Variants in FHIT observed in about 807,000 individuals in gnomAD.
FHIT encodes bis(5'-adenosyl)-triphosphatase.
Under a neutral mutation model 17.9 loss-of-function variants are expected in FHIT, and 19 were observed. The observed-to-expected ratio is 1.06, with a 90% CI of 0.74 to 1.56. FHIT has a LOEUF of 1.56. Ranked by LOEUF, FHIT falls within the 40% of genes most tolerant of loss-of-function variation. The probability of loss-of-function intolerance (pLI) is 0.00; values close to 1 mark genes in which losing one functional copy is unlikely to be tolerated. For missense variants in FHIT, 248 were observed against 189.2 expected (o/e 1.31, Z -1.82); for synonymous variants, 81 against 69.7 (o/e 1.16, Z -0.81).
intron 8 of FHIT, among the ~76,000 whole-genome samples, chr3:59,790,228 C>T (rs901427043): frequency 1.3e-5 from 2 of 152,114 alleles, no homozygotes; most frequent in East Asian, 3.8e-4. Context: ...TGCTTCCATA[C>T]CAAAAAGCAT....
intron 5 of FHIT, among the ~76,000 whole-genome samples, chr3:60,295,005 G>T (rs1419813526): frequency 1.3e-5 from 2 of 152,094 alleles, no homozygotes; most frequent in African/African-American, 2.4e-5. Flanking sequence ...AACGGTTTTT[G>T]TGTGGATCCA....
At chr3:59,901,379 C>T (rs549120685) in intron 8 of FHIT, among the ~76,000 whole-genome samples, 22 of 152,230 alleles carry the variant, frequency 1.4e-4, no homozygotes, top group African/African-American at 4.1e-4. Context: ...GGAGAGGTAT[C>T]ATGAGGATTA....
intron 5 of FHIT, among the ~76,000 whole-genome samples, chr3:60,382,016 G>A (rs1030954291): frequency 2.0e-5 from 3 of 152,176 alleles, no homozygotes; most frequent in South Asian, 2.1e-4. Flanking sequence ...CAAGTGTTCA[G>A]TAGCCACATA....
intron 5 of FHIT, among the ~76,000 whole-genome samples, chr3:60,348,005 C>A (rs981785011): frequency 1.3e-5 from 2 of 152,096 alleles, no homozygotes; most frequent in East Asian, 3.9e-4. Flanking sequence ...TTGATCCACC[C>A]TCCTTAGCCT....
At chr3:60,371,370 T>TAGAAGAAAA (rs1370606499) in intron 5 of FHIT, among the ~76,000 whole-genome samples, 2 of 152,056 alleles carry the variant, frequency 1.3e-5, no homozygotes, top group Admixed American at 1.3e-4. Flanking sequence ...TCTAGCTTTT[T>TAGAAGAAAA]TTTTTAAGAG....
intron 1 of FHIT, among the ~76,000 whole-genome samples, chr3:61,205,180 C>T (rs2039179643): frequency 6.6e-6 from 1 of 152,070 alleles, no homozygotes; most frequent in South Asian, 2.1e-4. Flanking sequence ...CATAGTATTC[C>T]ATGGTGTATA....
At chr3:60,161,151 GTCTC>G (rs1452225541) in intron 5 of FHIT, among the ~76,000 whole-genome samples, 1 of 152,136 alleles carries the variant, frequency 6.6e-6, no homozygotes, top group Non-Finnish European at 1.5e-5. Flanking sequence ...GCTATGTTTG[GTCTC>G]TCTATTTTTA....
At chr3:60,326,626 T>C (rs1569350) in intron 5 of FHIT, among the ~76,000 whole-genome samples, 56,720 of 152,004 alleles carry the variant, frequency 0.37, 12,024 homozygotes, top group South Asian at 0.57. Context: ...TCCTAAACCA[T>C]GTTTGCTTCT....
intron 4 of FHIT, among the ~76,000 whole-genome samples, chr3:60,717,194 G>A (rs1199834296): frequency 4.6e-5 from 7 of 152,090 alleles, no homozygotes; most frequent in Non-Finnish European, 1.0e-4. Context: ...CAAAGTTTGA[G>A]TTAAGCAAGA....
intron 8 of FHIT, among the ~76,000 whole-genome samples, chr3:59,814,241 G>A (rs967505664): frequency 2.0e-5 from 3 of 152,166 alleles, no homozygotes; most frequent in Admixed American, 1.3e-4. Context: ...AAAATGCTCC[G>A]CGTCTGTGGT....
intron 8 of FHIT, among the ~76,000 whole-genome samples, chr3:59,786,340 A>G (rs1048230754): frequency 6.6e-6 from 1 of 152,188 alleles, no homozygotes; most frequent in African/African-American, 2.4e-5. Context: ...CTGGCAAGAC[A>G]TGGGCTTGCT....
chr3:60,777,836 T>C (rs1240012831), intron 4 of FHIT, among the ~76,000 whole-genome samples: 1 of 152,150 alleles, frequency 6.6e-6, no homozygotes, highest in African/African-American at 2.4e-5. Context: ...GCTCCTTAGA[T>C]AGGAATTTGG....
chr3:59,923,200 G>C lies in FHIT; in HGVS notation c.280-786C>G, dbSNP rs976047903. Among the ~76,000 whole-genome samples, 35 of 126,378 alleles carry C rather than the reference G, an allele frequency of 2.8e-4. 1 individual carries two copies. The highest frequency in any genetic ancestry group is 9.3e-5 in the Non-Finnish European group (6 of 64,286). 82.9% of individuals were successfully genotyped at this position (126,378 alleles called of 152,430 possible). On this transcript the variant is annotated intron_variant, in intron 7 of 9. Coordinates refer to ENST00000492590, the MANE Select transcript of FHIT (RefSeq NM_002012.4). ...AGATCGCGCCACTGCACTCCAGCCT[G>C]GGCGACAGAGCGAGACTCCTCAAAA...
chr3:60,723,772 A>G (rs112207039), intron 4 of FHIT, among the ~76,000 whole-genome samples: 1 of 152,232 alleles, frequency 6.6e-6, no homozygotes, highest in African/African-American at 2.4e-5. Flanking sequence ...GATTTACAGA[A>G]CCTTGCAAGT....
intron 5 of FHIT, among the ~76,000 whole-genome samples, chr3:60,222,614 C>T (rs1296014764): frequency 1.3e-5 from 2 of 152,090 alleles, no homozygotes; most frequent in Admixed American, 1.3e-4. Flanking sequence ...CATGATGAAA[C>T]CCCGTCTCTA....
In FHIT at chr3:60,113,724, G is replaced by A. The variant is rs1374841036; in HGVS notation, c.104-99572C>T. ...CAATGATAAATTTTATCATTGGGCC[G>A]GGCGCGGTGGCTCACACCTGTTATC... On this transcript the variant is annotated intron_variant, in intron 5 of 9. Coordinates refer to ENST00000492590, the MANE Select transcript of FHIT (RefSeq NM_002012.4). 8.6e-5 allele frequency among the ~76,000 whole-genome samples: 13 copies of A among 151,366 alleles called. No individual in the cohort carries two copies. The East Asian group carries it at 9.8e-4, about 11-fold the overall frequency.
At chr3:60,156,575 C>T (rs951119023) in intron 5 of FHIT, among the ~76,000 whole-genome samples, 1 of 151,302 alleles carries the variant, frequency 6.6e-6, no homozygotes, top group East Asian at 2.0e-4. Flanking sequence ...ATAGTGAGAT[C>T]TTGTCTCTAT....
chr3:59,807,482 T>C (rs942705563), intron 8 of FHIT, among the ~76,000 whole-genome samples: 1 of 152,142 alleles, frequency 6.6e-6, no homozygotes, highest in Non-Finnish European at 1.5e-5. Flanking sequence ...TTGTCTTCCA[T>C]TTTACAGGTG....
chr3:60,636,844 T>C (rs1288108282), intron 4 of FHIT, among the ~76,000 whole-genome samples: 3 of 152,182 alleles, frequency 2.0e-5, no homozygotes, highest in Admixed American at 6.5e-5. Context: ...GAAAGGGACA[T>C]CCTGTGACCT....
Sources: allele counts gnomAD v4.1 joint callset (sites outside exome capture counted in the v4.1 genomes callset), GRCh38; gene constraint gnomAD v4.1.1; transcripts MANE v1.5; gene names NCBI Gene and HGNC (gene_info 2026-07-23, HGNC 2026-07-21).